The following ADAMTS18 variants were observed in gnomAD, a reference collection of about 807,000 sequenced individuals.
ADAMTS18 encodes the protein A disintegrin and metalloproteinase with thrombospondin motifs 18.
A neutral mutation model predicts 165.9 loss-of-function variants in ADAMTS18; 157 were observed. The observed-to-expected ratio is 0.95, with a 90% confidence interval of 0.83 to 1.08. The LOEUF is 1.08. Ranked by LOEUF, ADAMTS18 falls within the 50% of genes least tolerant of loss-of-function variation. ADAMTS18 has a pLI of 0.00. For synonymous variants in ADAMTS18, 782 were observed against 578.2 expected (o/e 1.35, Z -5.06); for missense variants, 2,040 against 1,534.0 (o/e 1.33, Z -5.51).
chr16:77,320,894 C>T (rs577643907), intron 15 of ADAMTS18, among the ~76,000 whole-genome samples, 185 bp downstream of exon 15: 37 of 152,290 alleles, frequency 2.4e-4, no homozygotes, highest in South Asian at 1.0e-3. Context: ...CATGTTTCTA[C>T]GAGGTAATGT....
rs138315469 is a variant in ADAMTS18, at chr16:77,291,446, C to G, written c.3222G>C (p.Lys1074Asn). 1.8e-4 allele frequency: 296 copies of G among 1,614,094 alleles called. No individual in the cohort carries two copies. The highest frequency in any genetic ancestry group is 2.4e-4 in the Non-Finnish European group (284 of 1,180,038). Reference sequence around the variant, plus strand: ...CCTTCTCGCTGCACTTCATCTCCCTCTTCCTCACACCCAAACCACAGGTTG... The same window carrying G: ...CCTTCTCGCTGCACTTCATCTCCCTGTTCCTCACACCCAAACCACAGGTTG... ...CSATCGLGVR[K>N]REMKCSEKGF... Residue 1074 changes from lysine to asparagine, a missense_variant, in exon 21 of 23, where the codon AAG (lysine) becomes AAC (asparagine). Coordinates refer to ENST00000282849, the MANE Select transcript of ADAMTS18 (RefSeq NM_199355.4).
chr16:77,381,831 G>A (rs905149447), intron 3 of ADAMTS18, among the ~76,000 whole-genome samples: 4 of 151,934 alleles, frequency 2.6e-5, no homozygotes, highest in Non-Finnish European at 5.9e-5. Flanking sequence ...AAACAAATCA[G>A]AGTCCTCTCA....
intron 6 of ADAMTS18, among the ~76,000 whole-genome samples, chr16:77,362,674 A>G (rs2056733156): frequency 8.1e-6 from 1 of 122,834 alleles, no homozygotes. Flanking sequence ...CTGGCACATC[A>G]TAGATTACAA....
chr16:77,301,596 G>A (rs2055583820), intron 16 of ADAMTS18, among the ~76,000 whole-genome samples: 1 of 152,184 alleles, frequency 6.6e-6, no homozygotes, highest in South Asian at 2.1e-4. Context: ...TTAAAAAATA[G>A]GAACCCCTGG....
intron 20 of ADAMTS18, among the ~76,000 whole-genome samples, chr16:77,292,555 G>C (rs974427865): frequency 6.6e-6 from 1 of 152,176 alleles, no homozygotes; most frequent in African/African-American, 2.4e-5. Flanking sequence ...AGACCGGCTT[G>C]GGTGAAGCTT....
chr16:77,305,124 C>CA (rs938332029), intron 16 of ADAMTS18, among the ~76,000 whole-genome samples: 1 of 1,010 alleles, frequency 9.9e-4, no homozygotes, highest in African/African-American at 7.2e-3. Flanking sequence ...AGTACCAAGA[C>CA]AAATATATAA....
chr16:77,390,492 C>A (rs2057170700), intron 3 of ADAMTS18, among the ~76,000 whole-genome samples: 1 of 151,980 alleles, frequency 6.6e-6, no homozygotes, highest in South Asian at 2.1e-4. Flanking sequence ...GAGTTTGAGA[C>A]CAGCCTGACC....
rs142871426 is a variant in ADAMTS18 at position 77,399,063 on chromosome 16, C to A, written c.496-31340G>T. On this transcript the variant is annotated intron_variant, in intron 3 of 22. Coordinates refer to ENST00000282849, the MANE Select transcript of ADAMTS18 (RefSeq NM_199355.4). ...TTCTTGCAGGCCAAAAGGAACAATC[C>A]TTTGTGGGAAATGCCTCCCACCCCA... Among the ~76,000 whole-genome samples, 8 of 152,318 alleles carry A rather than the reference C, an allele frequency of 5.3e-5. No individual in the cohort carries two copies. The East Asian group carries it at 1.2e-3, about 22-fold the overall frequency.
At chr16:77,411,675 GA>G (rs1194245052) in intron 3 of ADAMTS18, among the ~76,000 whole-genome samples, 15 of 98,742 alleles carry the variant, frequency 1.5e-4, no homozygotes, top group Non-Finnish European at 2.3e-4. Context: ...AGAGTATCCA[GA>G]ATTTTTTTTT....
intron 22 of ADAMTS18, among the ~76,000 whole-genome samples, chr16:77,285,625 G>T (rs2055235030): frequency 6.6e-6 from 1 of 152,096 alleles, no homozygotes; most frequent in Admixed American, 6.5e-5. Context: ...AGTAAGTCAG[G>T]CAGGAGAAGT....
intron 3 of ADAMTS18, among the ~76,000 whole-genome samples, chr16:77,399,792 T>C (rs921153517): frequency 6.6e-6 from 1 of 152,188 alleles, no homozygotes; most frequent in Non-Finnish European, 1.5e-5. Flanking sequence ...CATGACTTGA[T>C]TACCACTACT....
At chr16:77,416,600 T>C (rs865996759) in intron 3 of ADAMTS18, among the ~76,000 whole-genome samples, 2 of 152,190 alleles carry the variant, frequency 1.3e-5, no homozygotes, top group Non-Finnish European at 2.9e-5. Flanking sequence ...CCTTCAGCCA[T>C]GATTGTGAGA....
intron 18 of ADAMTS18, among the ~76,000 whole-genome samples, chr16:77,295,594 A>C (rs2055454170): frequency 6.6e-6 from 1 of 152,196 alleles, no homozygotes; most frequent in Non-Finnish European, 1.5e-5. Flanking sequence ...TACAATGAGG[A>C]GGCTCATGGA....
chr16:77,284,806 G>A (rs919323063), intron 22 of ADAMTS18, among the ~76,000 whole-genome samples: 1 of 152,040 alleles, frequency 6.6e-6, no homozygotes, highest in African/African-American at 2.4e-5. Context: ...GATTGAGAAG[G>A]GCTGTCAGAG....
intron 3 of ADAMTS18, among the ~76,000 whole-genome samples, chr16:77,390,577 G>C (rs274544): frequency 0.51 from 77,321 of 151,766 alleles, 20,200 homozygotes; most frequent in Non-Finnish European, 0.56. Flanking sequence ...GTAATCCCAG[G>C]TACTCAGCAG....
At chr16:77,412,245 C>A (rs1286227292) in intron 3 of ADAMTS18, among the ~76,000 whole-genome samples, 2 of 152,312 alleles carry the variant, frequency 1.3e-5, no homozygotes, top group East Asian at 3.9e-4. Flanking sequence ...GTACCATTGG[C>A]TTTTCTGGGT....
chr16:77,334,727 A>ATATACTATAGTTTATATACTG (rs2056267185), intron 12 of ADAMTS18, among the ~76,000 whole-genome samples: 1 of 73,422 alleles, frequency 1.4e-5, no homozygotes, highest in Non-Finnish European at 2.4e-5. Flanking sequence ...GTATACTACT[A>ATATACTATAGTTTATATACTG]TATACTATAG....
At chr16:77,412,990 C>A (rs540796408) in intron 3 of ADAMTS18, among the ~76,000 whole-genome samples, 1 of 152,080 alleles carries the variant, frequency 6.6e-6, no homozygotes, top group South Asian at 2.1e-4. Flanking sequence ...AGACACCATG[C>A]CTGGCCCTTA....
intron 3 of ADAMTS18, among the ~76,000 whole-genome samples, chr16:77,425,546 C>A (rs1006079150): frequency 2.0e-5 from 3 of 152,214 alleles, no homozygotes; most frequent in Non-Finnish European, 4.4e-5. Flanking sequence ...ATATGACTGA[C>A]ACTTTTTGCA....
Sources: allele counts gnomAD v4.1 joint callset (sites outside exome capture counted in the v4.1 genomes callset), GRCh38; gene constraint gnomAD v4.1.1; transcripts MANE v1.5; gene names NCBI Gene and HGNC (gene_info 2026-07-23, HGNC 2026-07-21).